The following ZNF43 variants were observed in gnomAD, a reference collection of about 807,000 sequenced individuals.
The protein encoded by ZNF43 is zinc finger protein 43.
A neutral mutation model predicts 68.4 loss-of-function variants in ZNF43; 44 were observed. That is an observed-to-expected ratio of 0.64 (90% CI 0.51 to 0.83). The LOEUF (loss-of-function observed/expected upper bound fraction) is 0.83. Among genes scored for constraint, ZNF43 ranks in the 40% least tolerant of loss-of-function variants. ZNF43 has a pLI of 0.00. For missense variants in ZNF43, 896 were observed against 933.2 expected (o/e 0.96, Z 0.52); for synonymous variants, 308 against 307.8 (o/e 1.00, Z -0.01).
chr19:21,812,450 A>C (rs1375516771), intron 3 of ZNF43, among the ~76,000 whole-genome samples: 1 of 152,206 alleles, frequency 6.6e-6, no homozygotes, highest in Admixed American at 6.5e-5. Flanking sequence ...AAAGTTGAAT[A>C]ATCTGATTTG....
At chr19:21,836,833 C>A (rs773569969), upstream of ZNF43, among the ~76,000 whole-genome samples, 1 of 152,138 alleles carries the variant, frequency 6.6e-6, no homozygotes, top group South Asian at 2.1e-4. Flanking sequence ...CTCAATGAAT[C>A]CTACAAAGTC....
At chr19:21,848,987 G>A (rs549040099) in intron 1 of ZNF43, among the ~76,000 whole-genome samples, 6 of 152,090 alleles carry the variant, frequency 3.9e-5, no homozygotes, top group African/African-American at 1.2e-4. Flanking sequence ...AAACTCCTGC[G>A]GAATGTTCAC....
At chr19:21,831,161 T>C (rs74883311) in intron 1 of ZNF43, among the ~76,000 whole-genome samples, 7,558 of 152,116 alleles carry the variant, frequency 0.05, 403 homozygotes, top group African/African-American at 0.14. Context: ...CACACAGAAG[T>C]TGGAAGCATT....
chr19:21,836,168 A>C lies in ZNF43; in HGVS notation c.-130T>G. On this transcript the variant is annotated 5_prime_UTR_variant, in exon 1 of 4. Transcript: ENST00000354959. ...AACGAAGACGAGACGCAGAGCTCCA[A>C]CTGCAGCCAGAGACAAAGGCCCCGC... The C allele has an allele frequency of 6.4e-7, 1 of 1,555,568 alleles. No individual in the cohort carries two copies. The highest frequency in any genetic ancestry group is 8.7e-7 in the Non-Finnish European group (1 of 1,149,670).
chr19:21,846,842 A>T (rs761990105), intron 1 of ZNF43, among the ~76,000 whole-genome samples: 1 of 152,132 alleles, frequency 6.6e-6, no homozygotes, highest in Non-Finnish European at 1.5e-5. Context: ...CATAAAAGTT[A>T]TATCACCTGG....
At chr19:21,818,041 AC>A in intron 2 of ZNF43, 55 bp from the exon 3 acceptor site, 5 of 1,499,058 alleles carry the variant, frequency 3.3e-6, no homozygotes, top group Non-Finnish European at 4.6e-6. Flanking sequence ...CCCATTATTA[AC>A]CTAGTAATGT....
chr19:21,815,600 A>T (rs547967578), intron 3 of ZNF43, among the ~76,000 whole-genome samples: 2 of 151,672 alleles, frequency 1.3e-5, no homozygotes, highest in Admixed American at 1.3e-4. Context: ...AGTAGGTACA[A>T]ATCCTATCAT....
upstream of ZNF43, among the ~76,000 whole-genome samples, chr19:21,836,533 G>A (rs539050067): frequency 1.4e-3 from 214 of 152,264 alleles, 1 homozygote; most frequent in Middle Eastern, 6.8e-3. Flanking sequence ...CCTGGCTTCT[G>A]GCCCTTTGAG....
intron 1 of ZNF43, chr19:21,851,188 G>C (rs959334740): frequency 4.6e-5 from 7 of 152,260 alleles, no homozygotes; most frequent in South Asian, 2.1e-4. Flanking sequence ...GCATATGAAA[G>C]TCAATTATCC....
chr19:21,805,403 G>C lies in ZNF43; in HGVS notation c.*2204C>G, dbSNP rs2036891170. The stretch of plus-strand genomic sequence containing the variant: ...CACTTGAACCGGGGAGGTGGGGGTT[G>C]CAGTGAGCCAAGATCATGCCACTGT... On this transcript the variant is annotated 3_prime_UTR_variant, in exon 4 of 4. Coordinates refer to ENST00000354959, the MANE Select transcript of ZNF43 (RefSeq NM_003423.4). The C allele has an allele frequency of 6.6e-6, 1 of 152,284 alleles. No homozygotes were observed. Among genetic ancestry groups the C allele is most frequent in the Non-Finnish European group, 1.5e-5 (1 of 68,180 alleles). The allele number at this position is 152,284 out of a possible 1,614,324, so 9.4% of individuals were successfully genotyped here.
At chr19:21,833,597 G>A (rs1193505086) in intron 1 of ZNF43, among the ~76,000 whole-genome samples, 2 of 151,764 alleles carry the variant, frequency 1.3e-5, no homozygotes, top group African/African-American at 4.8e-5. Context: ...CATAGCCATG[G>A]TGGTTATCTT....
chr19:21,831,833 G>A (rs2038439036), intron 1 of ZNF43, among the ~76,000 whole-genome samples: 1 of 152,032 alleles, frequency 6.6e-6, no homozygotes, highest in Non-Finnish European at 1.5e-5. Flanking sequence ...AGCTAACCAG[G>A]GAGGTGAAAG....
At chr19:21,820,640 T>C (rs1353363648) in intron 1 of ZNF43, among the ~76,000 whole-genome samples, 2 of 150,902 alleles carry the variant, frequency 1.3e-5, no homozygotes, top group Non-Finnish European at 3.0e-5. Context: ...CAGAGAGCCC[T>C]TGATAATCAA....
At chr19:21,817,589 C>G (rs748409276) in intron 3 of ZNF43, among the ~76,000 whole-genome samples, 1 of 152,102 alleles carries the variant, frequency 6.6e-6, no homozygotes, top group African/African-American at 2.4e-5. Flanking sequence ...ATTTGTGTGT[C>G]CCCCAAAAGA....
chr19:21,821,717 G>A (rs781637670), intron 1 of ZNF43, among the ~76,000 whole-genome samples: 23 of 152,308 alleles, frequency 1.5e-4, no homozygotes, highest in Admixed American at 1.3e-4. Context: ...TGTAGAGAAT[G>A]TAGAGAAGGC....
chr19:21,807,545 T>C lies in ZNF43; in HGVS notation c.*62A>G. The C allele has an allele frequency of 7.1e-7, 1 of 1,412,354 alleles. No individual in the cohort carries two copies. The highest frequency in any genetic ancestry group is 1.6e-5 in the South Asian group (1 of 63,978). The allele number at this position is 1,412,354 out of a possible 1,614,324, so 87.5% of individuals were successfully genotyped here. On this transcript the variant is annotated 3_prime_UTR_variant, in exon 4 of 4. Transcript: ENST00000354959. ...AAATTATCTTACCTACAATCAAGTG[T>C]GACAACCATGTAAAGCCTTTATCAC...
intron 1 of ZNF43, among the ~76,000 whole-genome samples, chr19:21,826,020 G>A (rs1199439680): frequency 6.6e-6 from 1 of 152,184 alleles, no homozygotes; most frequent in Non-Finnish European, 1.5e-5. Context: ...CTGCACTCCA[G>A]CCTGGGCAAC....
Position 21,809,457 on chromosome 19 carries a change from T to C in ZNF43, c.580A>G (p.Ile194Val), listed in dbSNP as rs907260880. 18 of 1,613,894 alleles carry C rather than the reference T, an allele frequency of 1.1e-5. No homozygotes were observed. In the Middle Eastern group the frequency reaches 9.9e-4, roughly 89 times the overall value. The change falls in exon 4 of 4, where the codon ATA (isoleucine) becomes GTA (valine). Residue 194 changes from isoleucine to valine, a missense_variant. By Grantham distance (29) the Ile-to-Val change is conservative. Coordinates refer to ENST00000354959, the MANE Select transcript of ZNF43 (RefSeq NM_003423.4). ...CMLPHLAQHK[I>V]IHTRVNFCKC... ...CAGAAATTCACTCTGGTATGAATTA[T>C]TTTATGTTGAGCTAGATGTGGAAGC...
rs764396290 is a variant in ZNF43, at chr19:21,809,063, C to T, written c.974G>A (p.Trp325Ter). Residue 325 changes from tryptophan (W) to a stop codon, truncating the protein, a stop_gained, in exon 4 of 4, where the codon TGG (tryptophan) becomes TAG (stop). Transcript: ENST00000354959. LOFTEE classifies it high-confidence loss of function. ...CTTATGTTTAGTAAGAGTTGAGGGC[C>T]AGTTAAAGGCTTTGCCACATTCTTC... The part of the protein sequence containing the change: ...KCEECGKAFN[W>*]PSTLTKHKRI... 4 of 1,611,770 alleles carry T rather than the reference C, an allele frequency of 2.5e-6. No individual in the cohort carries two copies. The highest frequency in any genetic ancestry group is 1.7e-5 in the Admixed American group (1 of 59,834).
Sources: gnomAD v4.1 joint callset for allele counts (sites outside exome capture counted in the v4.1 genomes callset) on GRCh38, gnomAD v4.1.1 for gene constraint, MANE v1.5 for transcripts, NCBI Gene and HGNC (gene_info 2026-07-23, HGNC 2026-07-21) for gene names.